Variants in SEC23B observed in about 807,000 individuals in gnomAD.
SEC23B encodes SEC23 homolog B, COPII component.
Under a neutral mutation model 104.3 loss-of-function variants are expected in SEC23B, and 77 were observed. The observed-to-expected ratio is 0.74, with a 90% confidence interval of 0.61 to 0.89. SEC23B has a LOEUF of 0.89. SEC23B is among the 40% of genes least tolerant of loss of function. The pLI is 0.00. For synonymous variants in SEC23B, 338 were observed against 332.5 expected (o/e 1.02, Z -0.18); for missense variants, 885 against 949.4 (o/e 0.93, Z 0.89).
chr20:18,552,904 G>A (rs964200588), intron 17 of SEC23B, among the ~76,000 whole-genome samples: 3 of 152,186 alleles, frequency 2.0e-5, no homozygotes, highest in Non-Finnish European at 4.4e-5. Context: ...ATGATTTAAA[G>A]TGTATGGGAA....
intron 12 of SEC23B, among the ~76,000 whole-genome samples, chr20:18,536,286 TAA>T (rs1343856751): frequency 6.6e-6 from 1 of 152,240 alleles, no homozygotes; most frequent in Admixed American, 6.5e-5. Flanking sequence ...TATAGTATGT[TAA>T]GTGTTAAATA....
In SEC23B at chr20:18,532,661, T is replaced by C. The variant is rs780469533; in HGVS notation, c.1234-3T>C. ...ACTTTACACTGTCACATATTTGTTA[T>C]AGACCTCTCGGGAACTGAAGATTGC... On this transcript the variant is annotated splice_polypyrimidine_tract_variant and splice_region_variant and intron_variant, in intron 10 of 19. Coordinates refer to ENST00000650089, the MANE Select transcript of SEC23B (RefSeq NM_006363.6). 8.1e-6 allele frequency: 13 copies of C among 1,608,790 alleles called. No individual in the cohort carries two copies. The highest frequency in any genetic ancestry group is 5.0e-5 in the Admixed American group (3 of 60,018).
intron 14 of SEC23B, 132 bp downstream of exon 14, chr20:18,543,304 T>C (rs1249040148): frequency 9.0e-7 from 1 of 1,110,198 alleles, no homozygotes; most frequent in Non-Finnish European, 1.3e-6. Flanking sequence ...TGCTGCACGC[T>C]GGACATTCTG....
intron 6 of SEC23B, among the ~76,000 whole-genome samples, chr20:18,525,434 G>A (rs531765872): frequency 2.6e-5 from 4 of 152,294 alleles, no homozygotes; most frequent in Admixed American, 2.0e-4. Context: ...AGAATGATGA[G>A]GAATGATGAA....
chr20:18,538,374 C>T (rs1245698174), intron 12 of SEC23B, among the ~76,000 whole-genome samples: 6 of 151,752 alleles, frequency 4.0e-5, no homozygotes, highest in Middle Eastern at 3.2e-3. Context: ...CTCAGCCTCC[C>T]GAGTAGCTGG....
At chr20:18,548,534 A>T in intron 15 of SEC23B, 75 bp from the exon 16 acceptor site, 3 of 1,442,696 alleles carry the variant, frequency 2.1e-6, no homozygotes, top group Non-Finnish European at 2.9e-6. Context: ...CAGAGCCCTG[A>T]GGTAGATCTA....
intron 10 of SEC23B, among the ~76,000 whole-genome samples, chr20:18,531,513 G>T (rs1470242005): frequency 6.6e-6 from 1 of 151,940 alleles, no homozygotes; most frequent in Non-Finnish European, 1.5e-5. Context: ...AAAACTAGCC[G>T]GGCGTGGTGG....
At chr20:18,521,191 T>C (rs191437165) in intron 4 of SEC23B, among the ~76,000 whole-genome samples, 10 of 152,290 alleles carry the variant, frequency 6.6e-5, no homozygotes, top group Non-Finnish European at 1.3e-4. Context: ...CAGAAATACA[T>C]TGTTACTTGG....
chr20:18,537,340 C>T (rs1443459507), intron 12 of SEC23B, among the ~76,000 whole-genome samples: 2 of 151,958 alleles, frequency 1.3e-5, no homozygotes, highest in Non-Finnish European at 1.5e-5. Context: ...GGAACCAACC[C>T]AAATGTCCAA....
Position 18,548,591 on chromosome 20 carries a change from C to T in SEC23B, c.1744-18C>T, listed in dbSNP as rs779094483. On this transcript the variant is annotated intron_variant, in intron 15 of 19. Transcript: ENST00000650089. Reference sequence around the variant, plus strand: ...TTACAATTATATGCATTTCTCTTTCCGTTCTTTGTGAATGCAGTTTATGTT... The same window carrying T: ...TTACAATTATATGCATTTCTCTTTCTGTTCTTTGTGAATGCAGTTTATGTT... 1.1e-5 allele frequency: 17 copies of T among 1,611,784 alleles called. No individual in the cohort carries two copies. The East Asian group carries it at 1.1e-4, about 11-fold the overall frequency.
At chr20:18,537,540 A>G (rs2060244667) in intron 12 of SEC23B, among the ~76,000 whole-genome samples, 1 of 152,106 alleles carries the variant, frequency 6.6e-6, no homozygotes, top group African/African-American at 2.4e-5. Context: ...GGACATTGAG[A>G]ACACATGGAC....
chr20:18,511,077 G>C (rs1228343129), intron 2 of SEC23B, 21 bp downstream of exon 2: 1 of 1,529,834 alleles, frequency 6.5e-7, no homozygotes, highest in Non-Finnish European at 9.1e-7. Flanking sequence ...TTTTGAAACT[G>C]GTAAAAATGA....
intron 14 of SEC23B, among the ~76,000 whole-genome samples, chr20:18,544,108 TCA>T (rs2060312165): frequency 6.6e-6 from 1 of 152,182 alleles, no homozygotes; most frequent in Non-Finnish European, 1.5e-5. Context: ...CATGTCCATT[TCA>T]CAGCAGGCAA....
chr20:18,527,375 C>A, intron 8 of SEC23B, 121 bp from the exon 9 acceptor site: 1 of 755,652 alleles, frequency 1.3e-6, no homozygotes, highest in Non-Finnish European at 2.4e-6. Context: ...GAGACTCTGT[C>A]ACAAAAAGAG....
intron 6 of SEC23B, among the ~76,000 whole-genome samples, chr20:18,525,370 C>A (rs1427735385): frequency 6.6e-6 from 1 of 152,152 alleles, no homozygotes; most frequent in Admixed American, 6.5e-5. Context: ...AAATGCATTG[C>A]CCGACATGCT....
chr20:18,522,564 G>A (rs1030166644), intron 4 of SEC23B, among the ~76,000 whole-genome samples: 1 of 152,160 alleles, frequency 6.6e-6, no homozygotes. Context: ...GGTCGTAGGC[G>A]GATCTCTTCA....
intron 3 of SEC23B, among the ~76,000 whole-genome samples, chr20:18,513,168 G>T (rs1435532125): frequency 2.0e-5 from 3 of 151,912 alleles, no homozygotes; most frequent in Non-Finnish European, 4.4e-5. Flanking sequence ...TGGCAACAGA[G>T]CAAGACTCCG....
At chr20:18,540,569 C>T (rs143142470) in intron 12 of SEC23B, among the ~76,000 whole-genome samples, 72 of 152,186 alleles carry the variant, frequency 4.7e-4, no homozygotes, top group Non-Finnish European at 9.0e-4. Context: ...TTAAAGTCAC[C>T]AGATGCCCAG....
chr20:18,525,068 A>G (rs951332499), intron 6 of SEC23B, 48 bp downstream of exon 6: 8 of 1,486,122 alleles, frequency 5.4e-6, no homozygotes, highest in Non-Finnish European at 7.5e-6. Flanking sequence ...GGACATGCAG[A>G]TGATCCATGG....
Sources: allele counts gnomAD v4.1 joint callset (sites outside exome capture counted in the v4.1 genomes callset), GRCh38; gene constraint gnomAD v4.1.1; transcripts MANE v1.5; gene names NCBI Gene and HGNC (gene_info 2026-07-23, HGNC 2026-07-21).